ERP44: variants seen among roughly 807,000 people sequenced by gnomAD.
ERP44 encodes endoplasmic reticulum resident protein 44.
ERP44 carries 25 observed loss-of-function variants against 53.4 expected under a neutral mutation model. That is an observed-to-expected ratio of 0.47 (90% CI 0.34 to 0.65). The LOEUF is 0.65. Among genes scored for constraint, ERP44 ranks in the 30% least tolerant of loss-of-function variants. The probability of loss-of-function intolerance (pLI) is 0.01; values close to 1 mark genes in which losing one functional copy is unlikely to be tolerated. For synonymous variants in ERP44, 145 were observed against 161.2 expected (o/e 0.90, Z 0.76); for missense variants, 338 against 493.2 (o/e 0.69, Z 2.98).
chr9:100,024,815 C>A (rs1411920855), intron 4 of ERP44, among the ~76,000 whole-genome samples: 1 of 152,170 alleles, frequency 6.6e-6, no homozygotes, highest in Non-Finnish European at 1.5e-5. Flanking sequence ...GGTATGACCT[C>A]ATGTTGTTCT....
chr9:100,050,760 C>T (rs10156395), intron 4 of ERP44, among the ~76,000 whole-genome samples: 141,915 of 152,280 alleles, frequency 0.93, 66,220 homozygotes, highest in African/African-American at 0.97. Flanking sequence ...TGCTATTTGC[C>T]CCCATAAAAA....
chr9:100,098,776 T>C lies in ERP44; in HGVS notation c.57+8A>G. On this transcript the variant is annotated splice_region_variant and intron_variant, in intron 1 of 11. Coordinates refer to ENST00000262455, the MANE Select transcript of ERP44 (RefSeq NM_015051.3). ...GTTTGTCGATGGGTCTGTCATTCCCTCACTCACCAGGAGCAGAAGGGAGCA... is the reference window on the plus strand; with the variant it reads ...GTTTGTCGATGGGTCTGTCATTCCCCCACTCACCAGGAGCAGAAGGGAGCA... The C allele has an allele frequency of 6.2e-7, 1 of 1,612,840 alleles. No individual in the cohort carries two copies. The highest frequency in any genetic ancestry group is 1.3e-5 in the African/African-American group (1 of 75,016).
chr9:100,043,428 C>CA (rs1277656203), intron 4 of ERP44, among the ~76,000 whole-genome samples: 2 of 151,846 alleles, frequency 1.3e-5, no homozygotes, highest in Non-Finnish European at 1.5e-5. Flanking sequence ...TGCTTGAAGT[C>CA]ATGGATACCC....
intron 1 of ERP44, among the ~76,000 whole-genome samples, chr9:100,082,668 C>T (rs1414673914): frequency 6.6e-6 from 1 of 151,792 alleles, no homozygotes; most frequent in African/African-American, 2.4e-5. Flanking sequence ...TCCACATCCT[C>T]AGGCTTCGCA....
intron 4 of ERP44, among the ~76,000 whole-genome samples, chr9:100,033,761 C>T (rs1327067046): frequency 6.6e-6 from 1 of 152,078 alleles, no homozygotes. Context: ...CTGGCTGGTA[C>T]TCAGAAGCAA....
At position 100,052,445 on chromosome 9, in the gene ERP44, CACT is replaced by C. The variant is rs760855833; in HGVS notation, c.255_257del (p.Val86del). On this transcript the variant is annotated inframe_deletion, in exon 4 of 12. Coordinates refer to ENST00000262455, the MANE Select transcript of ERP44 (RefSeq NM_015051.3). ...GCTGATCACAATCAACTCTGGCAAA[CACT>C]ACTTGATTTTCATTTGGAAATTCTT... 1 of 1,611,738 alleles carries C rather than the reference CACT, an allele frequency of 6.2e-7. No homozygotes were observed. The highest frequency in any genetic ancestry group is 8.5e-7 in the Non-Finnish European group (1 of 1,178,718).
At chr9:100,044,438 C>G (rs1587973050) in intron 4 of ERP44, among the ~76,000 whole-genome samples, 1 of 150,784 alleles carries the variant, frequency 6.6e-6, no homozygotes, top group Admixed American at 6.6e-5. Flanking sequence ...ATGGACAGAA[C>G]AGTATGAACA....
chr9:99,987,722 A>G (rs1830209178), intron 10 of ERP44, among the ~76,000 whole-genome samples: 3 of 151,988 alleles, frequency 2.0e-5, no homozygotes, highest in South Asian at 2.1e-4. Flanking sequence ...TTGACCTTCT[A>G]TGTTGTCATT....
chr9:100,027,745 G>A (rs759739485), intron 4 of ERP44, among the ~76,000 whole-genome samples: 3 of 152,084 alleles, frequency 2.0e-5, no homozygotes, highest in Non-Finnish European at 4.4e-5. Context: ...CCTCATACTC[G>A]TTTCAGCAAC....
chr9:99,989,351 G>C (rs1830230273), intron 10 of ERP44, among the ~76,000 whole-genome samples: 1 of 152,206 alleles, frequency 6.6e-6, no homozygotes, highest in East Asian at 1.9e-4. Flanking sequence ...GGATTAGGCA[G>C]CAATAATTGC....
At chr9:100,072,641 G>A (rs1377702285) in intron 1 of ERP44, among the ~76,000 whole-genome samples, 1 of 152,144 alleles carries the variant, frequency 6.6e-6, no homozygotes, top group Non-Finnish European at 1.5e-5. Context: ...TCCTGCCTCA[G>A]CCTCCTGAGT....
intron 3 of ERP44, among the ~76,000 whole-genome samples, chr9:100,054,055 G>A (rs1826064805): frequency 6.6e-6 from 1 of 152,118 alleles, no homozygotes; most frequent in African/African-American, 2.4e-5. Context: ...CTAAGGAGAT[G>A]TCCTAGAATA....
intron 1 of ERP44, among the ~76,000 whole-genome samples, chr9:100,061,221 T>C (rs1426162067): frequency 2.0e-5 from 3 of 152,050 alleles, no homozygotes; most frequent in Admixed American, 6.6e-5. Context: ...GGCGGGCAGA[T>C]CACAACGAGG....
intron 4 of ERP44, 144 bp downstream of exon 4, chr9:100,052,273 G>C: frequency 2.4e-6 from 1 of 417,852 alleles, no homozygotes; most frequent in Non-Finnish European, 4.2e-6. Flanking sequence ...GAACCTTTTC[G>C]GTTTGTTCTC....
At chr9:100,027,314 G>C (rs906553554) in intron 4 of ERP44, among the ~76,000 whole-genome samples, 1 of 152,238 alleles carries the variant, frequency 6.6e-6, no homozygotes, top group East Asian at 1.9e-4. Context: ...TATGGGATTA[G>C]ATATTCATTT....
chr9:99,987,613 G>A (rs894965022), intron 10 of ERP44, among the ~76,000 whole-genome samples: 3 of 152,154 alleles, frequency 2.0e-5, no homozygotes, highest in Non-Finnish European at 4.4e-5. Context: ...TTTAACATGT[G>A]CATAGCATTT....
rs113484687 is a variant in ERP44 at position 100,072,028 on chromosome 9, G to A, written c.58-11856C>T. On this transcript the variant is annotated intron_variant, in intron 1 of 11. Transcript: ENST00000262455. ...GTCCTTGAGAGGCCATATACTTCTT[G>A]AGGTGCCTATCCTAATTAATGATCA... 7.1e-4 allele frequency among the ~76,000 whole-genome samples: 108 copies of A among 152,286 alleles called. 1 individual carries two copies. Among genetic ancestry groups the A allele is most frequent in the African/African-American group, 2.5e-3 (102 of 41,562 alleles).
At chr9:100,009,988 T>A (rs1300639913) in intron 8 of ERP44, among the ~76,000 whole-genome samples, 1 of 72,000 alleles carries the variant, frequency 1.4e-5, no homozygotes, top group African/African-American at 4.1e-5. Context: ...AATTCTTTTT[T>A]CTAAACTCCA....
At chr9:100,031,528 A>T (rs896418430) in intron 4 of ERP44, among the ~76,000 whole-genome samples, 2 of 151,934 alleles carry the variant, frequency 1.3e-5, no homozygotes, top group African/African-American at 4.8e-5. Flanking sequence ...TATCTGTAAG[A>T]CCTTTATCAT....
Sources: gnomAD v4.1 joint callset for allele counts (sites outside exome capture counted in the v4.1 genomes callset) on GRCh38, gnomAD v4.1.1 for gene constraint, MANE v1.5 for transcripts, NCBI Gene and HGNC (gene_info 2026-07-23, HGNC 2026-07-21) for gene names.